The following MACC1 variants were observed in gnomAD, a reference collection of about 807,000 sequenced individuals.
MACC1 encodes metastasis-associated in colon cancer protein 1.
Under a neutral mutation model 70.7 loss-of-function variants are expected in MACC1, and 79 were observed. The observed-to-expected ratio is 1.12, with a 90% confidence interval of 0.93 to 1.35. MACC1 has a LOEUF of 1.35. MACC1 is among the 40% of genes most tolerant of loss of function. MACC1 has a pLI of 0.00. For synonymous variants in MACC1, 361 were observed against 347.2 expected, an observed-to-expected ratio of 1.04 and a Z score of -0.44; for missense variants, 1,106 against 978.1, an observed-to-expected ratio of 1.13 and a Z score of -1.74.
intron 6 of MACC1, among the ~76,000 whole-genome samples, chr7:20,149,178 T>C (rs948186676): frequency 6.6e-6 from 1 of 152,204 alleles, no homozygotes; most frequent in African/African-American, 2.4e-5. Flanking sequence ...TTTTTTTCCA[T>C]GCATTGCTAT....
At chr7:20,166,042 T>C (rs1782212903) in intron 2 of MACC1, among the ~76,000 whole-genome samples, 1 of 152,336 alleles carries the variant, frequency 6.6e-6, no homozygotes, top group Non-Finnish European at 1.5e-5. Flanking sequence ...TTAAAAGAAT[T>C]ATTTCTTTAA....
intron 1 of MACC1, among the ~76,000 whole-genome samples, chr7:20,177,028 T>TA (rs1460320385): frequency 6.6e-6 from 1 of 152,114 alleles, no homozygotes; most frequent in Admixed American, 6.5e-5. Context: ...CTACACGTGA[T>TA]AAAATGTCAA....
intron 5 of MACC1, among the ~76,000 whole-genome samples, chr7:20,155,834 C>T (rs980847663): frequency 6.6e-6 from 1 of 152,138 alleles, no homozygotes; most frequent in African/African-American, 2.4e-5. Flanking sequence ...TTTTAGTAAA[C>T]TGTGGAGTGG....
In MACC1 at chr7:20,159,587, T is replaced by C. The variant is rs1782111102; in HGVS notation, c.774A>G (p.Pro258=). Residue 258 remains proline, a synonymous_variant, in exon 5 of 7, where the codon CCA becomes CCG. Transcript: ENST00000400331. ...ACGAAAGATCATGGTTAAGCATGTG[T>C]GGCGGATCAAGGAAAGCCCTTAGAG... ...EVSLRAFLDP[P]HMLNHDLSCT... The C allele has an allele frequency of 6.2e-7, 1 of 1,614,044 alleles. No homozygotes were observed. The highest frequency in any genetic ancestry group is 1.3e-5 in the African/African-American group (1 of 74,932).
chr7:20,180,386 T>C (rs1384026850), intron 1 of MACC1, among the ~76,000 whole-genome samples: 2 of 148,406 alleles, frequency 1.3e-5, no homozygotes, highest in East Asian at 2.0e-4. Context: ...GAGGTTGCAG[T>C]GAGCCGAGAT....
chr7:20,168,025 T>C (rs1230857094), intron 2 of MACC1, among the ~76,000 whole-genome samples: 2 of 152,160 alleles, frequency 1.3e-5, no homozygotes, highest in Non-Finnish European at 2.9e-5. Context: ...GAGAAAAGCA[T>C]TATTTTGGAT....
chr7:20,178,277 AC>A, intron 1 of MACC1, among the ~76,000 whole-genome samples: 1 of 151,818 alleles, frequency 6.6e-6, no homozygotes, highest in African/African-American at 2.4e-5. Context: ...ACACACACAC[AC>A]ACACACACAC....
chr7:20,165,278 G>T (rs1185768077), intron 2 of MACC1, among the ~76,000 whole-genome samples: 8 of 152,134 alleles, frequency 5.3e-5, no homozygotes, highest in African/African-American at 1.4e-4. Context: ...TTGTGCACAA[G>T]AATTTTATTT....
rs200297648 is a variant in MACC1, at chr7:20,158,372, A to T, written c.1989T>A (p.Asp663Glu). 1 of 1,613,732 alleles carries T rather than the reference A, an allele frequency of 6.2e-7. No homozygotes were observed. Among genetic ancestry groups the T allele is most frequent in the African/African-American group, 1.3e-5 (1 of 75,016 alleles). ...CCAGGACATCAGCTAAAACTTTCCAATCATAAACTTTTTCTGACACCAAGG... is the reference window on the plus strand; with the variant it reads ...CCAGGACATCAGCTAAAACTTTCCATTCATAAACTTTTTCTGACACCAAGG... ...VLTLVSEKVY[D>E]WKVLADVLGY... The change falls in exon 5 of 7, where the codon GAT (aspartate) becomes GAA (glutamate). Residue 663 changes from aspartate to glutamate, a missense_variant. Asp to Glu is a conservative substitution (Grantham distance 45). Transcript: ENST00000400331.
chr7:20,167,449 G>A (rs1354283622), intron 2 of MACC1, among the ~76,000 whole-genome samples: 2 of 151,720 alleles, frequency 1.3e-5, no homozygotes, highest in African/African-American at 2.4e-5. Context: ...GCCTGCCTTG[G>A]CCTCCCAAAG....
chr7:20,199,103 C>T (rs987593839), intron 1 of MACC1, among the ~76,000 whole-genome samples: 3 of 152,204 alleles, frequency 2.0e-5, no homozygotes, highest in Non-Finnish European at 2.9e-5. Context: ...ATCTTAGACA[C>T]TTGTGCTTTT....
intron 6 of MACC1, among the ~76,000 whole-genome samples, chr7:20,149,968 A>C (rs1781950780): frequency 6.6e-6 from 1 of 152,188 alleles, no homozygotes; most frequent in Non-Finnish European, 1.5e-5. Context: ...TTACACAAAT[A>C]CATTCACCTT....
chr7:20,161,950 C>A (rs1031829217), intron 3 of MACC1, 80 bp from the exon 4 acceptor site: 25 of 825,980 alleles, frequency 3.0e-5, no homozygotes, highest in Non-Finnish European at 2.8e-5. Context: ...AGACATCATA[C>A]GTATTTCTAT....
intron 1 of MACC1, among the ~76,000 whole-genome samples, chr7:20,213,870 T>A (rs577382177): frequency 6.6e-6 from 1 of 152,112 alleles, no homozygotes. Flanking sequence ...AGTTTACCTA[T>A]GTAACAAACC....
At position 20,193,612 on chromosome 7, in the gene MACC1, C is replaced by G. The variant is rs544089889; in HGVS notation, c.-217-22834G>C. Among the ~76,000 whole-genome samples, 3 of 152,210 alleles carry G rather than the reference C, an allele frequency of 2.0e-5. No individual in the cohort carries two copies. In the South Asian group the frequency reaches 6.2e-4, roughly 32 times the overall value. On this transcript the variant is annotated intron_variant, in intron 1 of 6. Transcript: ENST00000400331. ...GCTTCTACGATCTTATAAGAGACAC[C>G]CTGTCAAAGCTGTAGCTAAACTAAG...
chr7:20,155,569 C>G (rs928129088), intron 5 of MACC1, among the ~76,000 whole-genome samples: 26 of 152,130 alleles, frequency 1.7e-4, no homozygotes, highest in Non-Finnish European at 2.9e-5. Context: ...ATAAGGGGAA[C>G]TACTGTAAAC....
intron 1 of MACC1, among the ~76,000 whole-genome samples, chr7:20,211,796 C>A (rs888176924): frequency 6.6e-6 from 1 of 152,024 alleles, no homozygotes. Flanking sequence ...CATTTGGACA[C>A]AAATAGGAAT....
intron 1 of MACC1, among the ~76,000 whole-genome samples, chr7:20,186,002 G>A (rs545468822): frequency 6.6e-6 from 1 of 151,962 alleles, no homozygotes; most frequent in African/African-American, 2.4e-5. Flanking sequence ...ACACAAAGTC[G>A]CATATGGCGA....
At chr7:20,157,199 G>A (rs926480722) in intron 5 of MACC1, among the ~76,000 whole-genome samples, 1 of 152,010 alleles carries the variant, frequency 6.6e-6, no homozygotes, top group Non-Finnish European at 1.5e-5. Context: ...CACTAGAGAA[G>A]CATTAACAAT....
Sources: gnomAD v4.1 joint callset for allele counts (sites outside exome capture counted in the v4.1 genomes callset) on GRCh38, gnomAD v4.1.1 for gene constraint, MANE v1.5 for transcripts, NCBI Gene and HGNC (gene_info 2026-07-23, HGNC 2026-07-21) for gene names.